The following MRTFA variants were observed in gnomAD, a reference collection of about 807,000 sequenced individuals.
MRTFA encodes the protein myocardin related transcription factor A.
MRTFA carries 20 observed loss-of-function variants against 83.5 expected under a neutral mutation model. The ratio of observed to expected loss-of-function variants is 0.24; its 90% CI spans 0.17 to 0.35. MRTFA has a LOEUF of 0.35. Ranked by LOEUF, MRTFA falls within the 10% of genes least tolerant of loss-of-function variation. MRTFA has a pLI of 1.00. For missense variants in MRTFA, 1,200 were observed against 1,224.7 expected (o/e 0.98, Z 0.30); for synonymous variants, 659 against 541.2 (o/e 1.22, Z -3.02).
intron 1 of MRTFA, among the ~76,000 whole-genome samples, chr22:40,631,674 T>A (rs1184257304): frequency 1.3e-5 from 2 of 152,232 alleles, no homozygotes; most frequent in Non-Finnish European, 2.9e-5. Context: ...TATTTTTCCT[T>A]ATGTCAACAC....
intron 3 of MRTFA, among the ~76,000 whole-genome samples, chr22:40,499,328 A>C (rs2054415233): frequency 6.6e-6 from 1 of 152,192 alleles, no homozygotes; most frequent in African/African-American, 2.4e-5. Context: ...ACTAATACTG[A>C]GTCATTTAAA....
At chr22:40,559,290 G>A (rs996379792) in intron 2 of MRTFA, among the ~76,000 whole-genome samples, 1 of 152,116 alleles carries the variant, frequency 6.6e-6, no homozygotes, top group African/African-American at 2.4e-5. Flanking sequence ...TGAGGCTGAG[G>A]TAAGAGGATC....
chr22:40,491,409 T>C (rs967211134), intron 3 of MRTFA, among the ~76,000 whole-genome samples: 1 of 152,118 alleles, frequency 6.6e-6, no homozygotes, highest in Non-Finnish European at 1.5e-5. Context: ...TTAATATTGA[T>C]AAGACCAGTC....
At chr22:40,544,676 C>T (rs186918375) in intron 3 of MRTFA, among the ~76,000 whole-genome samples, 52 of 152,262 alleles carry the variant, frequency 3.4e-4, no homozygotes, top group African/African-American at 1.1e-3. Flanking sequence ...AAAACCAATA[C>T]AATAGAAAGA....
intron 14 of MRTFA, among the ~76,000 whole-genome samples, chr22:40,415,613 G>C (rs1465535067): frequency 6.6e-6 from 1 of 151,942 alleles, no homozygotes; most frequent in Non-Finnish European, 1.5e-5. Context: ...CCGCCAGTGA[G>C]CTCCTCCCCA....
intron 1 of MRTFA, among the ~76,000 whole-genome samples, chr22:40,616,692 G>A (rs1417710378): frequency 6.6e-6 from 1 of 152,158 alleles, no homozygotes; most frequent in Non-Finnish European, 1.5e-5. Flanking sequence ...GGGAACGTTG[G>A]AGCCAGAGCA....
At chr22:40,463,000 T>C (rs8135759) in intron 4 of MRTFA, among the ~76,000 whole-genome samples, 69,607 of 152,082 alleles carry the variant, frequency 0.46, 16,640 homozygotes, top group South Asian at 0.6. Context: ...TTAAACCAGG[T>C]TTGACCCTTT....
intron 3 of MRTFA, among the ~76,000 whole-genome samples, chr22:40,550,333 T>C (rs2055425804): frequency 6.6e-6 from 1 of 151,764 alleles, no homozygotes; most frequent in African/African-American, 2.4e-5. Flanking sequence ...CAAGACAACT[T>C]TGAAAAAGAA....
intron 2 of MRTFA, among the ~76,000 whole-genome samples, chr22:40,578,242 C>T (rs2055896464): frequency 6.6e-6 from 1 of 152,156 alleles, no homozygotes; most frequent in Non-Finnish European, 1.5e-5. Flanking sequence ...GTGTGAGCCA[C>T]CAGGCTTGGC....
intron 3 of MRTFA, among the ~76,000 whole-genome samples, chr22:40,479,446 C>T (rs2054052649): frequency 6.6e-6 from 1 of 152,244 alleles, no homozygotes; most frequent in African/African-American, 2.4e-5. Context: ...CGCAAGTCCC[C>T]TCTTTCTCAC....
In MRTFA at chr22:40,416,346, C is replaced by T. The variant is rs554440004; in HGVS notation, c.2578+640G>A. On this transcript the variant is annotated intron_variant, in intron 14 of 14. Coordinates refer to ENST00000355630, the MANE Select transcript of MRTFA (RefSeq NM_020831.6). This position sits in a 1 kb window ranked among gnomAD's most constrained non-coding sequence, Gnocchi z 4.2. Reference sequence around the variant, plus strand: ...TCTCCAGTCGCCCCCCAACCTGGGGCTCCCTGCTTCTGCCCTTGCACGGCT... The same window carrying T: ...TCTCCAGTCGCCCCCCAACCTGGGGTTCCCTGCTTCTGCCCTTGCACGGCT... 5.3e-5 allele frequency among the ~76,000 whole-genome samples: 8 copies of T among 152,264 alleles called. No homozygotes were observed. The highest frequency in any genetic ancestry group is 8.8e-5 in the Non-Finnish European group (6 of 68,042).
chr22:40,518,530 A>T (rs2054800377), intron 3 of MRTFA, among the ~76,000 whole-genome samples: 1 of 152,062 alleles, frequency 6.6e-6, no homozygotes, highest in Non-Finnish European at 1.5e-5. Context: ...ACGGTGGCTC[A>T]CGCCTGTAAT....
chr22:40,487,903 C>T (rs1282249499), intron 3 of MRTFA, among the ~76,000 whole-genome samples: 1 of 152,112 alleles, frequency 6.6e-6, no homozygotes, highest in Non-Finnish European at 1.5e-5. Flanking sequence ...TAGATTAACT[C>T]ACCTAATGCA....
chr22:40,413,275 G>A (rs2052600721), intron 14 of MRTFA, among the ~76,000 whole-genome samples: 1 of 151,480 alleles, frequency 6.6e-6, no homozygotes, highest in Non-Finnish European at 1.5e-5. Context: ...TGGGCAACAA[G>A]GCAAGACCCC....
chr22:40,590,082 T>TC (rs1569342358), intron 2 of MRTFA, among the ~76,000 whole-genome samples: 1 of 152,112 alleles, frequency 6.6e-6, no homozygotes, highest in Non-Finnish European at 1.5e-5. Flanking sequence ...ATTCTGAACT[T>TC]CATTTTTTTG....
chr22:40,571,530 A>G (rs2055792812), intron 2 of MRTFA, among the ~76,000 whole-genome samples: 2 of 152,192 alleles, frequency 1.3e-5, no homozygotes. Flanking sequence ...AAATCATACA[A>G]CTGATAAGTG....
intron 1 of MRTFA, among the ~76,000 whole-genome samples, chr22:40,625,245 C>T (rs1347539500): frequency 6.6e-6 from 1 of 151,358 alleles, no homozygotes; most frequent in African/African-American, 2.4e-5. Context: ...TTTAAGAGGC[C>T]AAGATGGGAG....
chr22:40,414,063 G>A (rs934059119), intron 14 of MRTFA, among the ~76,000 whole-genome samples: 5 of 152,198 alleles, frequency 3.3e-5, no homozygotes, highest in Non-Finnish European at 5.9e-5. Flanking sequence ...ATGAGGCGGG[G>A]TGCGTTGGCT....
intron 1 of MRTFA, among the ~76,000 whole-genome samples, chr22:40,626,783 T>C (rs992873947): frequency 5.9e-5 from 9 of 151,922 alleles, no homozygotes; most frequent in African/African-American, 2.2e-4. Flanking sequence ...GAGAACTGCT[T>C]GAGGCCAGGG....
Sources: gnomAD v4.1 joint callset for allele counts (sites outside exome capture counted in the v4.1 genomes callset) on GRCh38, gnomAD v4.1.1 for gene constraint, Gnocchi (gnomAD v3.1) non-coding constraint, MANE v1.5 for transcripts, NCBI Gene and HGNC (gene_info 2026-07-23, HGNC 2026-07-21) for gene names.